The following RBFOX1 variants were observed in gnomAD, a reference collection of about 807,000 sequenced individuals.
The protein encoded by RBFOX1 is RNA binding fox-1 homolog 1.
In RBFOX1, 8 loss-of-function variants were observed where a neutral mutation model predicts 57.7. That is an observed-to-expected ratio of 0.14 (90% confidence interval 0.08 to 0.25). RBFOX1 has a LOEUF of 0.25. Ranked by LOEUF, RBFOX1 falls within the 10% of genes least tolerant of loss-of-function variation. The pLI, the probability that RBFOX1 is intolerant of heterozygous loss-of-function variation, is 1.00. For synonymous variants in RBFOX1, 326 were observed against 222.4 expected, an observed-to-expected ratio of 1.47 and a Z score of -4.15; for missense variants, 611 against 548.5, an observed-to-expected ratio of 1.11 and a Z score of -1.14.
chr16:6,780,988 T>C (rs530014014), intron 3 of RBFOX1, among the ~76,000 whole-genome samples: 3 of 152,262 alleles, frequency 2.0e-5, no homozygotes, highest in South Asian at 4.1e-4. Flanking sequence ...GCAGACACTT[T>C]TTAGCTTGAT....
intron 2 of RBFOX1, chr16:6,484,032 G>A (rs1166135145): frequency 6.7e-6 from 5 of 743,280 alleles, no homozygotes; most frequent in African/African-American, 5.7e-5. Flanking sequence ...CGTTTAGAGG[G>A]ATTGGGGAGC....
At chr16:6,178,589 C>G (rs908244666) in intron 1 of RBFOX1, among the ~76,000 whole-genome samples, 1 of 152,084 alleles carries the variant, frequency 6.6e-6, no homozygotes, top group Non-Finnish European at 1.5e-5. Flanking sequence ...ATTTTTAAAG[C>G]CATATAAAAG....
chr16:6,198,244 G>A (rs1044460171), intron 1 of RBFOX1, among the ~76,000 whole-genome samples: 1 of 152,222 alleles, frequency 6.6e-6, no homozygotes, highest in Non-Finnish European at 1.5e-5. Context: ...GCCAAGACAA[G>A]GGTATTGAAT....
intron 3 of RBFOX1, among the ~76,000 whole-genome samples, chr16:6,942,569 T>C (rs1381035418): frequency 6.6e-6 from 1 of 151,720 alleles, no homozygotes; most frequent in African/African-American, 2.4e-5. Flanking sequence ...AAGACAAGAG[T>C]AGACTAAGGC....
At chr16:7,482,362 C>T (rs2064182797) in intron 4 of RBFOX1, among the ~76,000 whole-genome samples, 1 of 152,068 alleles carries the variant, frequency 6.6e-6, no homozygotes. Context: ...CTCAAAGAGG[C>T]TTGTTCAGTC....
At chr16:6,714,436 G>C (rs1194173189) in intron 3 of RBFOX1, among the ~76,000 whole-genome samples, 1 of 152,136 alleles carries the variant, frequency 6.6e-6, no homozygotes, top group Non-Finnish European at 1.5e-5. Flanking sequence ...CCACTATATG[G>C]AAGTGAAGCT....
At chr16:7,317,979 G>A (rs1240841422) in intron 4 of RBFOX1, among the ~76,000 whole-genome samples, 1 of 152,028 alleles carries the variant, frequency 6.6e-6, no homozygotes, top group Non-Finnish European at 1.5e-5. Flanking sequence ...TGATGGTGGT[G>A]GTGATAGTGG....
Position 5,834,599 on chromosome 16 carries a change from TAG to T in RBFOX1, c.319-32702_319-32701del, listed in dbSNP as rs1567603841. On this transcript the variant is annotated intron_variant, in intron 3 of 19. Transcript: ENST00000641259. ...TGTCATAGATAGATAGATAGATAGATAGATAGATAGATAGATAGATAGATTGA... is the reference window on the plus strand; with the variant it reads ...TGTCATAGATAGATAGATAGATAGATATAGATAGATAGATAGATAGATTGA... 1.2e-3 allele frequency among the ~76,000 whole-genome samples: 181 copies of T among 151,486 alleles called. 2 individuals are homozygous for T. Among genetic ancestry groups the T allele is most frequent in the African/African-American group, 4.3e-3 (177 of 40,946 alleles).
intron 3 of RBFOX1, among the ~76,000 whole-genome samples, chr16:6,728,624 T>A (rs754376195): frequency 6.6e-6 from 1 of 152,210 alleles, no homozygotes; most frequent in Admixed American, 6.5e-5. Flanking sequence ...ATATTGGAGC[T>A]GCCCCACGCT....
intron 4 of RBFOX1, among the ~76,000 whole-genome samples, chr16:5,999,195 C>A (rs1164727858): frequency 6.6e-6 from 1 of 152,164 alleles, no homozygotes; most frequent in Non-Finnish European, 1.5e-5. Context: ...GCCAACACTG[C>A]CTTTCCATTA....
At chr16:6,525,823 C>T (rs768473784) in intron 2 of RBFOX1, among the ~76,000 whole-genome samples, 4 of 152,008 alleles carry the variant, frequency 2.6e-5, no homozygotes, top group African/African-American at 7.2e-5. Context: ...ATAACTTAAG[C>T]GCTTCATAAA....
intron 3 of RBFOX1, among the ~76,000 whole-genome samples, chr16:7,028,584 T>TCACACA: frequency 1.8e-5 from 1 of 55,074 alleles, no homozygotes; most frequent in Non-Finnish European, 3.1e-5. Flanking sequence ...TGAAACTCCC[T>TCACACA]CACACACACA....
chr16:7,367,132 A>C (rs1218981865), intron 4 of RBFOX1, among the ~76,000 whole-genome samples: 1 of 150,110 alleles, frequency 6.7e-6, no homozygotes, highest in Non-Finnish European at 1.5e-5. Flanking sequence ...CCATTTAGTG[A>C]GTTGGGAAAG....
chr16:5,746,655 A>T (rs150347759), intron 3 of RBFOX1, among the ~76,000 whole-genome samples: 2 of 152,156 alleles, frequency 1.3e-5, no homozygotes, highest in Admixed American at 6.5e-5. Flanking sequence ...GGTCCTTCAC[A>T]TCCCTTGTAA....
chr16:7,516,866 A>G (rs926175782), intron 4 of RBFOX1, among the ~76,000 whole-genome samples: 5 of 150,970 alleles, frequency 3.3e-5, no homozygotes, highest in African/African-American at 9.8e-5. Context: ...TTCTGTCATC[A>G]TGTTTTTGCT....
At chr16:6,564,357 T>C (rs1216395582) in intron 2 of RBFOX1, among the ~76,000 whole-genome samples, 2 of 152,146 alleles carry the variant, frequency 1.3e-5, no homozygotes, top group Admixed American at 1.3e-4. Flanking sequence ...AAGGAAATAC[T>C]GTGTTCGTAA....
chr16:7,094,568 C>T (rs1228449987), intron 4 of RBFOX1, among the ~76,000 whole-genome samples: 6 of 151,718 alleles, frequency 4.0e-5, no homozygotes, highest in Admixed American at 3.3e-4. Flanking sequence ...CTGTCAAATC[C>T]TGTGTATTGG....
intron 3 of RBFOX1, among the ~76,000 whole-genome samples, chr16:6,858,644 C>G (rs1050730412): frequency 6.6e-6 from 1 of 152,068 alleles, no homozygotes; most frequent in African/African-American, 2.4e-5. Context: ...TTATATGAGA[C>G]ATATCACTAA....
At chr16:6,550,988 G>T (rs1011853666) in intron 2 of RBFOX1, among the ~76,000 whole-genome samples, 2 of 152,154 alleles carry the variant, frequency 1.3e-5, no homozygotes, top group African/African-American at 4.8e-5. Flanking sequence ...TTAATAGTTT[G>T]GAGGAGCACA....
Sources: gnomAD v4.1 joint callset for allele counts (sites outside exome capture counted in the v4.1 genomes callset) on GRCh38, gnomAD v4.1.1 for gene constraint, MANE v1.5 for transcripts, NCBI Gene and HGNC (gene_info 2026-07-23, HGNC 2026-07-21) for gene names.